The following CACNA2D1 variants were observed in gnomAD, a reference collection of about 807,000 sequenced individuals.
CACNA2D1 encodes the protein voltage-dependent calcium channel subunit alpha-2/delta-1.
CACNA2D1 carries 53 observed loss-of-function variants against 171.5 expected under a neutral mutation model. The ratio of observed to expected loss-of-function variants is 0.31; its 90% CI spans 0.25 to 0.39. CACNA2D1 has a LOEUF of 0.39. Among genes scored for constraint, CACNA2D1 ranks in the 10% least tolerant of loss-of-function variants. The pLI is 1.00. For missense variants in CACNA2D1, 903 were observed against 1,299.8 expected (o/e 0.69, Z 4.69); for synonymous variants, 442 against 443.1 (o/e 1.00, Z 0.03).
At chr7:82,018,540 G>T (rs914905139) in intron 12 of CACNA2D1, among the ~76,000 whole-genome samples, 6 of 151,986 alleles carry the variant, frequency 3.9e-5, no homozygotes, top group Non-Finnish European at 7.4e-5. Context: ...CTTACTGGAG[G>T]TAAACAACTT....
Position 82,335,174 on chromosome 7 carries a change from A to G in CACNA2D1, c.255T>C (p.Asp85=). The G allele has an allele frequency of 6.2e-7, 1 of 1,613,036 alleles. No homozygotes were observed. The highest frequency in any genetic ancestry group is 1.1e-5 in the South Asian group (1 of 91,068). Reference sequence around the variant, plus strand: ...ATCTGTTGCTCAGAAGTTTCTCAATATCCCTGGCTGCAATTTCTACCAGCT... The same window carrying G: ...ATCTGTTGCTCAGAAGTTTCTCAATGTCCCTGGCTGCAATTTCTACCAGCT... The part of the protein sequence containing the change: ...ARQLVEIAAR[D]IEKLLSNRSK... Residue 85 remains aspartate (D), a synonymous_variant, in exon 3 of 39, where the codon GAT becomes GAC. Transcript: ENST00000356860.
At chr7:82,382,084 A>G (rs551706094) in intron 1 of CACNA2D1, among the ~76,000 whole-genome samples, 1 of 152,370 alleles carries the variant, frequency 6.6e-6, no homozygotes, top group South Asian at 2.1e-4. Context: ...AGCATCCTCA[A>G]CAAAGATATT....
intron 3 of CACNA2D1, among the ~76,000 whole-genome samples, chr7:82,318,113 A>G (rs1293907965): frequency 6.6e-6 from 1 of 152,136 alleles, no homozygotes; most frequent in African/African-American, 2.4e-5. Flanking sequence ...ACTTCAAATG[A>G]TATACTTCAC....
chr7:82,430,360 G>A lies in CACNA2D1; in HGVS notation c.95+13005C>T, dbSNP rs140652106. 5.4e-3 allele frequency among the ~76,000 whole-genome samples: 809 copies of A among 148,976 alleles called. 4 individuals are homozygous for A. The highest frequency in any genetic ancestry group is 0.019 in the African/African-American group (760 of 40,464). The stretch of plus-strand genomic sequence containing the variant: ...TTGAACCCAGGAGGCGGAGGTTGCA[G>A]TGAGCTAAGATCAGGCAGTTGCACT... On this transcript the variant is annotated intron_variant, in intron 1 of 38. Transcript: ENST00000356860.
chr7:82,154,610 TGG>T (rs1232087463), intron 4 of CACNA2D1, among the ~76,000 whole-genome samples: 43 of 152,170 alleles, frequency 2.8e-4, no homozygotes, highest in African/African-American at 1.0e-3. Context: ...AAAAAAGATA[TGG>T]TATGCACACA....
chr7:82,139,781 CT>C (rs142894019), intron 4 of CACNA2D1, among the ~76,000 whole-genome samples: 14,894 of 142,790 alleles, frequency 0.1, 692 homozygotes, highest in South Asian at 0.18. Context: ...TTGACATTTC[CT>C]TTTTTTTTTT....
intron 5 of CACNA2D1, among the ~76,000 whole-genome samples, chr7:82,133,434 T>C (rs1483875001): frequency 1.3e-5 from 2 of 152,182 alleles, no homozygotes; most frequent in African/African-American, 4.8e-5. Context: ...TCTTTTAATA[T>C]AATGCTGAGC....
intron 1 of CACNA2D1, among the ~76,000 whole-genome samples, chr7:82,389,330 C>T (rs2129450386): frequency 6.6e-6 from 1 of 151,834 alleles, no homozygotes; most frequent in African/African-American, 2.4e-5. Context: ...CTCTGCCACC[C>T]TGCAAACCTC....
intron 10 of CACNA2D1, among the ~76,000 whole-genome samples, chr7:82,052,134 T>C (rs1029851987): frequency 2.6e-5 from 4 of 152,142 alleles, no homozygotes; most frequent in Non-Finnish European, 5.9e-5. Flanking sequence ...TTAATATAGA[T>C]TGCATCCTGA....
intron 6 of CACNA2D1, among the ~76,000 whole-genome samples, chr7:82,090,877 C>T (rs572780684): frequency 7.2e-5 from 11 of 152,024 alleles, no homozygotes; most frequent in Admixed American, 2.6e-4. Context: ...TTGTGGCAAA[C>T]GTTCATTTCA....
At chr7:82,418,600 C>A (rs1295212801) in intron 1 of CACNA2D1, among the ~76,000 whole-genome samples, 2 of 152,070 alleles carry the variant, frequency 1.3e-5, no homozygotes, top group African/African-American at 4.8e-5. Flanking sequence ...AATAGCATTC[C>A]CTCCTCACCA....
chr7:82,122,077 A>G (rs1401805975), intron 5 of CACNA2D1, among the ~76,000 whole-genome samples: 1 of 152,200 alleles, frequency 6.6e-6, no homozygotes, highest in African/African-American at 2.4e-5. Flanking sequence ...GATGTATAAA[A>G]GAGAAGAAAC....
chr7:82,023,210 G>C (rs1394212286), intron 12 of CACNA2D1, among the ~76,000 whole-genome samples: 4 of 151,806 alleles, frequency 2.6e-5, no homozygotes, highest in Non-Finnish European at 2.9e-5. Context: ...TGAGCCCTAA[G>C]GAATGGCAAT....
At chr7:82,174,813 T>C (rs1796398614) in intron 3 of CACNA2D1, among the ~76,000 whole-genome samples, 1 of 152,062 alleles carries the variant, frequency 6.6e-6, no homozygotes, top group Admixed American at 6.6e-5. Flanking sequence ...TGCTAATCAG[T>C]AAAAACGCTT....
At chr7:82,390,006 C>T (rs972503418) in intron 1 of CACNA2D1, among the ~76,000 whole-genome samples, 78 of 152,116 alleles carry the variant, frequency 5.1e-4, no homozygotes, top group African/African-American at 1.5e-3. Flanking sequence ...TTCCAGTCTG[C>T]GGAAGTTTCT....
intron 1 of CACNA2D1, among the ~76,000 whole-genome samples, chr7:82,354,978 T>C (rs1820260366): frequency 6.6e-6 from 1 of 152,192 alleles, no homozygotes; most frequent in Non-Finnish European, 1.5e-5. Flanking sequence ...TATCTTTTTC[T>C]ATGGAACCAA....
chr7:82,181,620 A>T (rs1211554924), intron 3 of CACNA2D1, among the ~76,000 whole-genome samples: 4 of 152,230 alleles, frequency 2.6e-5, no homozygotes, highest in African/African-American at 9.6e-5. Flanking sequence ...TCGTTCAAGG[A>T]AAAGTTTTAG....
At chr7:82,057,789 T>C (rs1171617835) in intron 10 of CACNA2D1, among the ~76,000 whole-genome samples, 1 of 152,068 alleles carries the variant, frequency 6.6e-6, no homozygotes, top group Non-Finnish European at 1.5e-5. Context: ...GTTCCTCCTA[T>C]CAGGCAAGCC....
chr7:82,442,984 A>G (rs1414112352), intron 1 of CACNA2D1, among the ~76,000 whole-genome samples: 1 of 152,230 alleles, frequency 6.6e-6, no homozygotes, highest in Non-Finnish European at 1.5e-5. Context: ...CAACCAAAAC[A>G]TAACTTTTTA....
Sources: allele counts gnomAD v4.1 joint callset (sites outside exome capture counted in the v4.1 genomes callset), GRCh38; gene constraint gnomAD v4.1.1; transcripts MANE v1.5; gene names NCBI Gene and HGNC (gene_info 2026-07-23, HGNC 2026-07-21).